The following AAK1 variants were observed in gnomAD, a reference collection of about 807,000 sequenced individuals.
AAK1 encodes AP2 associated kinase 1, also known as AP2-associated protein kinase 1.
Under a neutral mutation model 116.0 loss-of-function variants are expected in AAK1, and 37 were observed. The ratio of observed to expected loss-of-function variants is 0.32; its 90% CI spans 0.25 to 0.42. The LOEUF is 0.42. AAK1 is among the 10% of genes least tolerant of loss of function. AAK1 has a pLI of 1.00. For missense variants in AAK1, 919 were observed against 1,170.6 expected, an observed-to-expected ratio of 0.79 and a Z score of 3.14; for synonymous variants, 458 against 439.9, an observed-to-expected ratio of 1.04 and a Z score of -0.51.
Position 69,482,766 on chromosome 2 carries a change from G to A in AAK1, c.2412C>T (p.Leu804=). 2 of 1,613,904 alleles carry A rather than the reference G, an allele frequency of 1.2e-6. No homozygotes were observed. The highest frequency in any genetic ancestry group is 1.7e-6 in the Non-Finnish European group (2 of 1,179,772). The change falls in exon 18 of 22, where the codon CTC becomes CTT. Residue 804 remains leucine (L), a synonymous_variant. Coordinates refer to ENST00000409085, the MANE Select transcript of AAK1 (RefSeq NM_014911.5). ...GATCTGTCATAGGCAAGAGGTCAGGGAGCAGAAGAGAAGTGTCAGGAGATT... is the reference window on the plus strand; with the variant it reads ...GATCTGTCATAGGCAAGAGGTCAGGAAGCAGAAGAGAAGTGTCAGGAGATT... ...GLKSPDTSLL[L]PDLLPMTDPF... is the part of the protein sequence containing the mutation.
intron 2 of AAK1, among the ~76,000 whole-genome samples, chr2:69,560,540 T>C (rs1236481180): frequency 6.6e-6 from 1 of 152,204 alleles, no homozygotes; most frequent in African/African-American, 2.4e-5. Context: ...TGTGAATCTA[T>C]TGAATCATAA....
chr2:69,552,392 C>T (rs1201964318), intron 3 of AAK1, among the ~76,000 whole-genome samples: 2 of 151,922 alleles, frequency 1.3e-5, no homozygotes, highest in Admixed American at 6.6e-5. Context: ...AAAAATGAAC[C>T]GCAACCTAAG....
intron 5 of AAK1, among the ~76,000 whole-genome samples, chr2:69,537,371 A>G (rs910924004): frequency 6.6e-6 from 1 of 152,252 alleles, no homozygotes; most frequent in African/African-American, 2.4e-5. Flanking sequence ...TGTCACTGGA[A>G]AGAAAGGCTG....
At chr2:69,487,751 T>C (rs1374445321) in intron 17 of AAK1, among the ~76,000 whole-genome samples, 1 of 151,614 alleles carries the variant, frequency 6.6e-6, no homozygotes, top group Non-Finnish European at 1.5e-5. Flanking sequence ...GAGAAGAAAA[T>C]GGTCCAGTTT....
Position 69,635,238 on chromosome 2 carries a change from TATA to T in AAK1, c.163+7637_163+7639del, listed in dbSNP as rs1675395233. On this transcript the variant is annotated intron_variant, in intron 2 of 21. Transcript: ENST00000409085. ...TTACTAGGGAAATACAAATCAAAAG[TATA>T]AGAAGATACCACCTCACATCCATTA... Among the ~76,000 whole-genome samples, 4 of 152,052 alleles carry T rather than the reference TATA, an allele frequency of 2.6e-5. 1 individual carries two copies. The South Asian group carries it at 6.2e-4, about 24-fold the overall frequency.
chr2:69,555,014 G>C (rs1671330888), intron 3 of AAK1, among the ~76,000 whole-genome samples: 1 of 152,196 alleles, frequency 6.6e-6, no homozygotes, highest in South Asian at 2.1e-4. Flanking sequence ...ATAAGGAGGA[G>C]AAAGTGAAAT....
chr2:69,643,005 G>A lies in AAK1; in HGVS notation c.36C>T (p.Gly12=), dbSNP rs774528149. The A allele has an allele frequency of 6.2e-7, 1 of 1,610,556 alleles. No individual in the cohort carries two copies. Among genetic ancestry groups the A allele is most frequent in the South Asian group, 1.1e-5 (1 of 90,618 alleles). ...TGGAGCCGGAGCCCAGGCCAGAGCCGCCCTGCTCTCGCCGGGAGTCGAAAA... is the reference window on the plus strand; with the variant it reads ...TGGAGCCGGAGCCCAGGCCAGAGCCACCCTGCTCTCGCCGGGAGTCGAAAA... The part of the protein sequence containing the change: ...KKFFDSRREQ[G]GSGLGSGSSG... Residue 12 remains glycine, a synonymous_variant, in exon 2 of 22, where the codon GGC becomes GGT. Transcript: ENST00000409085.
chr2:69,505,635 A>C lies in AAK1; in HGVS notation c.2203T>G (p.Leu735Val). 1.2e-6 allele frequency: 2 copies of C among 1,613,764 alleles called. No individual in the cohort carries two copies. The highest frequency in any genetic ancestry group is 1.7e-6 in the Non-Finnish European group (2 of 1,179,762). ...PEKLGGSAES[L>V]IPGFQSTQGD... ...TGGGTTGATTGAAAGCCTGGGATCA[A>C]ACTCTCAGCTGAGCCTCCAAGCTTC... Residue 735 changes from leucine to valine, a missense_variant, in exon 16 of 22, where the codon TTG becomes GTG. By Grantham distance (32) the Leu-to-Val change is conservative. Transcript: ENST00000409085.
chr2:69,480,186 C>G (rs1055115410), intron 19 of AAK1, among the ~76,000 whole-genome samples: 4 of 150,282 alleles, frequency 2.7e-5, no homozygotes, highest in Non-Finnish European at 5.9e-5. Flanking sequence ...TGAATTTATC[C>G]TCACATTTCC....
rs1239638125 is a variant in AAK1, at chr2:69,469,117, T to C, written c.*6752A>G. 3.0e-6 allele frequency: 3 copies of C among 985,310 alleles called. No individual in the cohort carries two copies. The highest frequency in any genetic ancestry group is 1.2e-6 in the Non-Finnish European group (1 of 829,940). The allele number at this position is 985,310 out of a possible 1,614,324, so 61.0% of individuals were successfully genotyped here. ...GAATGGAAAAGTACATTTAAAGGGT[T>C]GTCCTGAGAAGGCCAAGTCCCTTAA... On this transcript the variant is annotated 3_prime_UTR_variant, in exon 22 of 22. Coordinates refer to ENST00000409085, the MANE Select transcript of AAK1 (RefSeq NM_014911.5).
chr2:69,537,684 G>A (rs184627621), intron 5 of AAK1, among the ~76,000 whole-genome samples: 16 of 152,338 alleles, frequency 1.1e-4, no homozygotes, highest in Admixed American at 1.0e-3. Flanking sequence ...CTGAGACTAT[G>A]TGATGCAACG....
At chr2:69,505,004 G>T (rs1236525644) in intron 16 of AAK1, among the ~76,000 whole-genome samples, 1 of 152,042 alleles carries the variant, frequency 6.6e-6, no homozygotes. Flanking sequence ...GGAAAAGTTT[G>T]TCTCTTATGA....
At chr2:69,498,835 T>C (rs571854963) in intron 16 of AAK1, among the ~76,000 whole-genome samples, 34 of 152,294 alleles carry the variant, frequency 2.2e-4, no homozygotes, top group Middle Eastern at 3.4e-3. Flanking sequence ...GGCCCAGATA[T>C]GGAGGTGGTG....
chr2:69,517,217 G>T (rs895552784), intron 12 of AAK1, among the ~76,000 whole-genome samples: 1 of 152,120 alleles, frequency 6.6e-6, no homozygotes, highest in African/African-American at 2.4e-5. Context: ...CAAAAGGAAA[G>T]AATCAAGTGT....
At chr2:69,552,921 T>C (rs1321951434) in intron 3 of AAK1, among the ~76,000 whole-genome samples, 1 of 152,088 alleles carries the variant, frequency 6.6e-6, no homozygotes, top group East Asian at 1.9e-4. Context: ...GATTTAAAAG[T>C]CTGGTAAATA....
At position 69,465,351 on chromosome 2, in the gene AAK1, G is replaced by C; in HGVS notation, c.*10518C>G. The C allele has an allele frequency of 8.6e-7, 1 of 1,159,888 alleles. No individual in the cohort carries two copies. Among genetic ancestry groups the C allele is most frequent in the South Asian group, 1.5e-5 (1 of 64,648 alleles). The allele number at this position is 1,159,888 out of a possible 1,614,324, so 71.8% of individuals were successfully genotyped here. A position where few individuals can be genotyped will look rare whatever the true frequency, so the allele number is the denominator to read the frequency against. On this transcript the variant is annotated 3_prime_UTR_variant, in exon 22 of 22. Transcript: ENST00000409085. Reference sequence around the variant, plus strand: ...AACTGATAATATTTCTTCTTCAGAAGGCTAAGCTGGGAGTGCCATGGCGGG... The same window carrying C: ...AACTGATAATATTTCTTCTTCAGAACGCTAAGCTGGGAGTGCCATGGCGGG...
intron 2 of AAK1, among the ~76,000 whole-genome samples, chr2:69,563,050 C>T (rs964806597): frequency 6.6e-5 from 10 of 152,066 alleles, no homozygotes; most frequent in Admixed American, 6.6e-5. Flanking sequence ...AGCAACAGAG[C>T]GAGACCCTCC....
rs1674686962 is a variant in AAK1, at chr2:69,471,682, CAA to C, written c.*4185_*4186del. 3.0e-6 allele frequency: 3 copies of C among 985,218 alleles called. No individual in the cohort carries two copies. The South Asian group carries it at 1.4e-4, about 46-fold the overall frequency. The allele number at this position is 985,218 out of a possible 1,614,324, so 61.0% of individuals were successfully genotyped here. ...CTGGGAAATCACAGAAAAACCTTAT[CAA>C]GAGAGACTTTATTTTGGCCCAAGGT... On this transcript the variant is annotated 3_prime_UTR_variant, in exon 22 of 22. Transcript: ENST00000409085.
intron 5 of AAK1, among the ~76,000 whole-genome samples, chr2:69,537,885 A>G (rs2105040647): frequency 6.6e-6 from 1 of 152,346 alleles, no homozygotes; most frequent in East Asian, 1.9e-4. Context: ...CTCTGCAACA[A>G]TCACAATCCA....
Sources: allele counts gnomAD v4.1 joint callset (sites outside exome capture counted in the v4.1 genomes callset), GRCh38; gene constraint gnomAD v4.1.1; transcripts MANE v1.5; gene names NCBI Gene and HGNC (gene_info 2026-07-23, HGNC 2026-07-21).